STXBP6: variants seen among roughly 807,000 people sequenced by gnomAD.
STXBP6 encodes the protein syntaxin-binding protein 6.
In STXBP6, 21 loss-of-function variants were observed where a neutral mutation model predicts 26.9. The ratio of observed to expected loss-of-function variants is 0.78; its 90% CI spans 0.55 to 1.12. STXBP6 has a LOEUF of 1.12. STXBP6 is among the 50% of genes most tolerant of loss of function. STXBP6 has a pLI of 0.00. For synonymous variants in STXBP6, 97 were observed against 92.6 expected, an observed-to-expected ratio of 1.05 and a Z score of -0.27; for missense variants, 232 against 257.9, an observed-to-expected ratio of 0.90 and a Z score of 0.69.
At chr14:24,871,377 T>A (rs1157730883) in intron 2 of STXBP6, among the ~76,000 whole-genome samples, 3 of 152,196 alleles carry the variant, frequency 2.0e-5, no homozygotes. Flanking sequence ...AAGATGGCAC[T>A]GAGGAAGAAA....
intron 4 of STXBP6, among the ~76,000 whole-genome samples, chr14:24,847,909 CA>C (rs936765532): frequency 2.0e-5 from 3 of 152,176 alleles, no homozygotes; most frequent in South Asian, 4.2e-4. Context: ...ACATAAAATG[CA>C]ACACAATCAG....
intron 2 of STXBP6, among the ~76,000 whole-genome samples, chr14:24,931,136 A>AAC (rs2072384202): frequency 8.5e-6 from 1 of 117,810 alleles, no homozygotes; most frequent in Non-Finnish European, 1.8e-5. Context: ...AAAAAAAAAA[A>AAC]AAAAAACCCA....
intron 1 of STXBP6, among the ~76,000 whole-genome samples, chr14:24,993,070 C>T (rs1374586702): frequency 2.0e-5 from 3 of 152,144 alleles, no homozygotes; most frequent in Admixed American, 2.0e-4. Context: ...CTTATGATCT[C>T]TTCTCTTTGC....
intron 2 of STXBP6, among the ~76,000 whole-genome samples, chr14:24,900,805 G>T (rs1163007105): frequency 6.6e-6 from 1 of 152,210 alleles, no homozygotes; most frequent in Non-Finnish European, 1.5e-5. Context: ...AGAAGCATCA[G>T]CCTGTCCTAT....
chr14:24,912,582 C>T (rs2071614103), intron 2 of STXBP6, among the ~76,000 whole-genome samples: 1 of 152,072 alleles, frequency 6.6e-6, no homozygotes. Context: ...ACTTTAAGTG[C>T]ATACTTAATC....
At chr14:24,976,846 G>T (rs553472642) in intron 1 of STXBP6, among the ~76,000 whole-genome samples, 8 of 109,426 alleles carry the variant, frequency 7.3e-5, no homozygotes, top group African/African-American at 3.7e-4. Flanking sequence ...GAGCTGACTG[G>T]GCGCTCTTTT....
intron 1 of STXBP6, among the ~76,000 whole-genome samples, chr14:25,015,721 C>T (rs923057715): frequency 1.3e-5 from 2 of 151,288 alleles, no homozygotes; most frequent in African/African-American, 2.4e-5. Flanking sequence ...GTTTTCCACA[C>T]GGGTCTAATT....
intron 2 of STXBP6, among the ~76,000 whole-genome samples, chr14:24,912,670 C>G (rs1422020826): frequency 1.3e-5 from 2 of 152,100 alleles, no homozygotes; most frequent in African/African-American, 4.8e-5. Flanking sequence ...AATGTGAGTA[C>G]ACTTGATTAA....
intron 1 of STXBP6, among the ~76,000 whole-genome samples, chr14:25,032,894 A>C (rs2075485055): frequency 6.6e-6 from 1 of 152,222 alleles, no homozygotes; most frequent in Non-Finnish European, 1.5e-5. Context: ...TGAAAATTGC[A>C]GGCACATCTC....
At chr14:24,974,253 C>T (rs1156739474) in intron 2 of STXBP6, among the ~76,000 whole-genome samples, 1 of 152,172 alleles carries the variant, frequency 6.6e-6, no homozygotes, top group African/African-American at 2.4e-5. Context: ...CAAGTGATTA[C>T]TGATTATTGG....
intron 2 of STXBP6, among the ~76,000 whole-genome samples, chr14:24,970,764 A>C (rs1312230699): frequency 1.3e-5 from 2 of 152,112 alleles, no homozygotes; most frequent in African/African-American, 2.4e-5. Flanking sequence ...TGCATGTTTG[A>C]CTATAAAAAA....
intron 4 of STXBP6, among the ~76,000 whole-genome samples, chr14:24,826,862 C>T (rs575640380): frequency 5.9e-5 from 9 of 152,306 alleles, no homozygotes; most frequent in Middle Eastern, 3.4e-3. Flanking sequence ...TACTTAATCT[C>T]TATGAGCCTA....
At chr14:24,981,182 T>G (rs1755616511) in intron 1 of STXBP6, among the ~76,000 whole-genome samples, 1 of 152,232 alleles carries the variant, frequency 6.6e-6, no homozygotes, top group African/African-American at 2.4e-5. Flanking sequence ...TATTTCTATA[T>G]CTAATCCCAA....
chr14:25,040,589 A>C (rs770385506), intron 1 of STXBP6, among the ~76,000 whole-genome samples: 15 of 152,256 alleles, frequency 9.9e-5, no homozygotes, highest in Non-Finnish European at 1.9e-4. Flanking sequence ...GTAGTATTAA[A>C]TAAAAATTTA....
chr14:24,908,699 G>T (rs141604973), intron 2 of STXBP6, among the ~76,000 whole-genome samples: 1 of 152,122 alleles, frequency 6.6e-6, no homozygotes, highest in Non-Finnish European at 1.5e-5. Context: ...AAACAGAACC[G>T]AAACTTGTCC....
At chr14:24,913,821 T>G (rs1187801026) in intron 2 of STXBP6, among the ~76,000 whole-genome samples, 1 of 152,114 alleles carries the variant, frequency 6.6e-6, no homozygotes, top group Admixed American at 6.5e-5. Context: ...GAAGTGGAAA[T>G]GGAATAAAGT....
chr14:25,019,825 A>G (rs1406668085), intron 1 of STXBP6, among the ~76,000 whole-genome samples: 1 of 149,872 alleles, frequency 6.7e-6, no homozygotes, highest in Non-Finnish European at 1.5e-5. Context: ...ATGTTTTGAG[A>G]TGATCAAGTT....
At chr14:24,951,182 T>C (rs1176054821) in intron 2 of STXBP6, among the ~76,000 whole-genome samples, 3 of 152,206 alleles carry the variant, frequency 2.0e-5, no homozygotes, top group Non-Finnish European at 2.9e-5. Flanking sequence ...CTATTGTGAA[T>C]AGTGCTGCAA....
chr14:24,843,021 T>C (rs1202157170), intron 4 of STXBP6, among the ~76,000 whole-genome samples: 1 of 152,206 alleles, frequency 6.6e-6, no homozygotes, highest in Non-Finnish European at 1.5e-5. Flanking sequence ...AATTTTTCTA[T>C]TTTCTCTCTC....
Sources: allele counts gnomAD v4.1 joint callset (sites outside exome capture counted in the v4.1 genomes callset), GRCh38; gene constraint gnomAD v4.1.1; transcripts MANE v1.5; gene names NCBI Gene and HGNC (gene_info 2026-07-23, HGNC 2026-07-21).